The following FOXP1 variants were observed in gnomAD, a reference collection of about 807,000 sequenced individuals.
FOXP1 encodes the protein forkhead box protein P1.
Under a neutral mutation model 98.2 loss-of-function variants are expected in FOXP1, and 15 were observed. The ratio of observed to expected loss-of-function variants is 0.15; its 90% confidence interval spans 0.10 to 0.24. FOXP1 has a LOEUF of 0.24. Among genes scored for constraint, FOXP1 ranks in the 10% least tolerant of loss-of-function variants. The pLI is 1.00. For missense variants in FOXP1, 633 were observed against 848.5 expected (o/e 0.75, Z 3.15); for synonymous variants, 371 against 314.5 (o/e 1.18, Z -1.90).
intron 3 of FOXP1, among the ~76,000 whole-genome samples, chr3:71,489,296 G>A (rs2090893464): frequency 6.6e-6 from 1 of 152,206 alleles, no homozygotes; most frequent in African/African-American, 2.4e-5. Flanking sequence ...AAAAGAGGAA[G>A]GCTGGGCAAA....
chr3:71,430,784 T>C (rs537367369), intron 3 of FOXP1, among the ~76,000 whole-genome samples: 1 of 151,986 alleles, frequency 6.6e-6, no homozygotes, highest in Non-Finnish European at 1.5e-5. Flanking sequence ...CTCTGCCTTA[T>C]GGTGTCTGTC....
intron 11 of FOXP1, among the ~76,000 whole-genome samples, chr3:71,017,728 T>C (rs545630525): frequency 6.6e-6 from 1 of 152,204 alleles, no homozygotes; most frequent in Non-Finnish European, 1.5e-5. Context: ...ATTGAGTTTC[T>C]CTTCATGTTT....
chr3:71,414,337 G>A (rs1384536810), intron 3 of FOXP1, among the ~76,000 whole-genome samples: 1 of 152,118 alleles, frequency 6.6e-6, no homozygotes, highest in Admixed American at 6.6e-5. Context: ...CCAGCTCGGG[G>A]CCCTGCACAT....
intron 3 of FOXP1, among the ~76,000 whole-genome samples, chr3:71,375,155 TTACC>T (rs1451577414): frequency 5.9e-5 from 9 of 152,322 alleles, no homozygotes; most frequent in Non-Finnish European, 1.3e-4. Flanking sequence ...AGAAAAGTGG[TTACC>T]TCTAAATGCA....
At chr3:71,075,072 T>A (rs2053656511) in intron 7 of FOXP1, among the ~76,000 whole-genome samples, 1 of 152,172 alleles carries the variant, frequency 6.6e-6, no homozygotes, top group Admixed American at 6.5e-5. Flanking sequence ...ACATGAAACA[T>A]CAGGGTGGTG....
At chr3:71,430,256 G>A (rs1203178498) in intron 3 of FOXP1, among the ~76,000 whole-genome samples, 1 of 152,084 alleles carries the variant, frequency 6.6e-6, no homozygotes, top group South Asian at 2.1e-4. Flanking sequence ...TCAATCCGAC[G>A]GTCCTTACTT....
chr3:71,188,531 C>T (rs2062784415), intron 6 of FOXP1, among the ~76,000 whole-genome samples: 1 of 151,920 alleles, frequency 6.6e-6, no homozygotes. Context: ...TCTCCTGCCT[C>T]AGCCTCCTGA....
intron 12 of FOXP1, among the ~76,000 whole-genome samples, chr3:71,007,096 A>C (rs1035365956): frequency 3.9e-5 from 6 of 152,188 alleles, no homozygotes; most frequent in African/African-American, 1.4e-4. Flanking sequence ...AAGGTTAAAA[A>C]AGACATTAAA....
intron 7 of FOXP1, among the ~76,000 whole-genome samples, chr3:71,074,504 G>A (rs1359435504): frequency 6.6e-6 from 1 of 152,196 alleles, no homozygotes; most frequent in Non-Finnish European, 1.5e-5. Flanking sequence ...TGGGATTACA[G>A]GCGTTGAGTC....
intron 4 of FOXP1, among the ~76,000 whole-genome samples, chr3:71,328,976 AAAAAAAAAAAAAAC>A (rs1429840256): frequency 3.0e-5 from 2 of 67,202 alleles, no homozygotes; most frequent in African/African-American, 6.6e-5. Flanking sequence ...CATCTCGCTA[AAAAAAAAAAAAAAC>A]AAAAAAAAAA....
chr3:71,064,962 ACGCGC>A (rs949715759), intron 7 of FOXP1: 3 of 181,758 alleles, frequency 1.7e-5, no homozygotes, highest in African/African-American at 2.5e-5. Context: ...GGCTGACAAG[ACGCGC>A]CGCGCCGCGC....
At chr3:71,579,679 T>A (rs1206274664) in intron 2 of FOXP1, among the ~76,000 whole-genome samples, 1 of 136,808 alleles carries the variant, frequency 7.3e-6, no homozygotes, top group African/African-American at 2.8e-5. Context: ...AACTCTCACA[T>A]ACAAAACCTT....
chr3:71,484,867 A>G (rs2090538982), intron 3 of FOXP1, among the ~76,000 whole-genome samples: 1 of 152,180 alleles, frequency 6.6e-6, no homozygotes, highest in Non-Finnish European at 1.5e-5. Context: ...CCCTAAATTC[A>G]GGTCTCCTCT....
At chr3:71,547,670 G>C (rs975286599) in intron 2 of FOXP1, among the ~76,000 whole-genome samples, 1 of 152,206 alleles carries the variant, frequency 6.6e-6, no homozygotes, top group Non-Finnish European at 1.5e-5. Context: ...AGTTCTTGTA[G>C]AGAATTAGTC....
chr3:71,360,030 T>C (rs1467844515), intron 3 of FOXP1, among the ~76,000 whole-genome samples: 1 of 152,144 alleles, frequency 6.6e-6, no homozygotes. Flanking sequence ...TGACCTCAAA[T>C]GATCCACCCG....
In FOXP1 at chr3:71,499,302, C is replaced by T. The variant is rs2041152183; in HGVS notation, c.-297-5747G>A. On this transcript the variant is annotated intron_variant, in intron 2 of 20. Coordinates refer to ENST00000649528, the MANE Select transcript of FOXP1 (RefSeq NM_001349338.3). Reference sequence around the variant, plus strand: ...ACTTAAGGCCTAGGAGAACTAAAAGCCATCTATTTCCATCAGGGACCCTTA... The same window carrying T: ...ACTTAAGGCCTAGGAGAACTAAAAGTCATCTATTTCCATCAGGGACCCTTA... Among the ~76,000 whole-genome samples the T allele has an allele frequency of 2.0e-5, 3 of 152,298 alleles. No homozygotes were observed. The South Asian group carries it at 6.2e-4, about 32-fold the overall frequency.
At chr3:71,331,011 G>A (rs574401594) in intron 4 of FOXP1, among the ~76,000 whole-genome samples, 2 of 152,330 alleles carry the variant, frequency 1.3e-5, no homozygotes, top group East Asian at 1.9e-4. Flanking sequence ...GTGCCTCCTC[G>A]GCCTTGGTGC....
intron 6 of FOXP1, among the ~76,000 whole-genome samples, chr3:71,117,047 T>A (rs2107787237): frequency 6.6e-6 from 1 of 152,272 alleles, no homozygotes; most frequent in East Asian, 1.9e-4. Context: ...ACAGATTATG[T>A]CCTTCATCTC....
intron 5 of FOXP1, among the ~76,000 whole-genome samples, chr3:71,250,776 A>G (rs1245424328): frequency 2.0e-5 from 3 of 152,056 alleles, no homozygotes; most frequent in Admixed American, 6.5e-5. Flanking sequence ...ACTAAAATAC[A>G]AAAAATTAGC....
Sources: gnomAD v4.1 joint callset for allele counts (sites outside exome capture counted in the v4.1 genomes callset) on GRCh38, gnomAD v4.1.1 for gene constraint, MANE v1.5 for transcripts, NCBI Gene and HGNC (gene_info 2026-07-23, HGNC 2026-07-21) for gene names.